TRIM41: variants seen among roughly 807,000 people sequenced by gnomAD.
TRIM41 encodes the protein tripartite motif containing 41.
In TRIM41, 21 loss-of-function variants were observed where a neutral mutation model predicts 60.6. That is an observed-to-expected ratio of 0.35 (90% CI 0.25 to 0.50). The LOEUF (loss-of-function observed/expected upper bound fraction) is 0.50. Ranked by LOEUF, TRIM41 falls within the 20% of genes least tolerant of loss-of-function variation. The pLI, the probability that TRIM41 is intolerant of heterozygous loss-of-function variation, is 0.98. For missense variants in TRIM41, 846 were observed against 868.3 expected (o/e 0.97, Z 0.32); for synonymous variants, 407 against 344.9 (o/e 1.18, Z -2.00).
chr5:181,225,830 A>C (rs7706515), intron 1 of TRIM41: 1 of 152,242 alleles, frequency 6.6e-6, no homozygotes, highest in Non-Finnish European at 1.5e-5. Flanking sequence ...AGCCAGCACA[A>C]ATAGCACTAC....
rs775230205 is a variant in TRIM41, at chr5:181,234,234, G to A, written c.1352G>A (p.Arg451Gln). The change falls in exon 6 of 6, where the codon CGG (arginine) becomes CAG (glutamine). Residue 451 changes from arginine to glutamine, a missense_variant. By Grantham distance (43) the Arg-to-Gln change is conservative (BLOSUM62 1). Transcript: ENST00000315073. This position sits in a 1 kb window ranked among gnomAD's most constrained non-coding sequence, Gnocchi z 5.6. ...GCCCTGATGCTGTCCCCTGACCGCC[G>A]GGGGGTCCGCCTGGCAGAGCGGCGG... ...HPALMLSPDRRGVRLAERRQE... is the reference protein window; with the variant it reads ...HPALMLSPDRQGVRLAERRQE... The A allele has an allele frequency of 2.4e-5, 38 of 1,612,972 alleles. No homozygotes were observed. The highest frequency in any genetic ancestry group is 3.1e-5 in the Non-Finnish European group (36 of 1,179,932).
rs964478511 is a variant in TRIM41, at chr5:181,230,801, A to G, written c.871A>G (p.Met291Val). 1.2e-6 allele frequency: 2 copies of G among 1,613,180 alleles called. No homozygotes were observed. The highest frequency in any genetic ancestry group is 1.7e-6 in the Non-Finnish European group (2 of 1,179,490). Residue 291 changes from methionine (M) to valine (V), a missense_variant, in exon 2 of 6, where the codon ATG becomes GTG. Transcript: ENST00000315073. Reference protein sequence around the residue: ...LRKHLEAVQKMKAKEERRVTE... With the variant: ...LRKHLEAVQKVKAKEERRVTE... ...GAAGCACCTGGAGGCAGTGCAGAAG[A>G]TGAAAGCCAAGGAGGAGAGGCGAGT...
intron 2 of TRIM41, 151 bp downstream of exon 2, chr5:181,230,990 A>C (rs1758773811): frequency 1.6e-6 from 1 of 621,924 alleles, no homozygotes; most frequent in Non-Finnish European, 2.9e-6. Context: ...GGTGCTGAGG[A>C]GAGCGGGGCC....
At position 181,232,781 on chromosome 5, in the gene TRIM41, G is replaced by T. The variant is rs769608137; in HGVS notation, c.1032G>T (p.Gly344=). 6.2e-7 allele frequency: 1 copy of T among 1,611,584 alleles called. No individual in the cohort carries two copies. The highest frequency in any genetic ancestry group is 8.5e-7 in the Non-Finnish European group (1 of 1,179,446). Residue 344 remains glycine (G), a synonymous_variant, in exon 3 of 6, where the codon GGG becomes GGT. Coordinates refer to ENST00000315073, the MANE Select transcript of TRIM41 (RefSeq NM_033549.5). The part of the protein sequence containing the change: ...RLREMHEAQL[G]RAGAAASRLA... ...GAGAGATGCATGAAGCCCAGCTGGG[G>T]CGTGCGGGAGCCGCGGCTAGTCGCC... is the stretch of plus-strand genomic sequence containing the variant.
chr5:181,224,181 GGGAGGA>G lies in TRIM41; in HGVS notation c.195_200del (p.Glu65_Glu66del), dbSNP rs539435490. ...GAGGAGGACAGAGATGAGTTAGATCGGGAGGAGGAGGAGGAGGACGGAGAGGAGGAG... is the reference window on the plus strand; with the variant it reads ...GAGGAGGACAGAGATGAGTTAGATCGGGAGGAGGAGGACGGAGAGGAGGAG... On this transcript the variant is annotated inframe_deletion, in exon 1 of 6. Coordinates refer to ENST00000315073, the MANE Select transcript of TRIM41 (RefSeq NM_033549.5). The G allele has an allele frequency of 3.5e-4, 570 of 1,613,840 alleles. No individual in the cohort carries two copies. The African/African-American group carries it at 5.6e-3, about 16-fold the overall frequency.
chr5:181,225,031 C>T (rs1758488307), intron 1 of TRIM41: 7 of 624,968 alleles, frequency 1.1e-5, no homozygotes, highest in Middle Eastern at 2.6e-4. Flanking sequence ...GGAAGGATGG[C>T]TTCCTCAAAG....
intron 2 of TRIM41, 55 bp downstream of exon 2, chr5:181,230,894 T>C: frequency 6.7e-7 from 1 of 1,497,360 alleles, no homozygotes; most frequent in Non-Finnish European, 9.3e-7. Context: ...GCAAGGAAGG[T>C]AGGGCTTCCC....
chr5:181,226,492 A>C (rs1758558999), intron 1 of TRIM41: 1 of 152,240 alleles, frequency 6.6e-6, no homozygotes, highest in Admixed American at 6.5e-5. Flanking sequence ...AGAGTTTCTG[A>C]ATCAGTGAGT....
rs765812251 is a variant in TRIM41 at position 181,232,707 on chromosome 5, C to T, written c.958C>T (p.Leu320=). ...AGCGGTGGCCTCGGAGTTTGGGCGA[C>T]TGACACGGTTTCTGGCTGAAGAGCA... is the stretch of plus-strand genomic sequence containing the variant. ...LAAVASEFGR[L]TRFLAEEQAG... Residue 320 remains leucine, a synonymous_variant, in exon 3 of 6, where the codon CTG becomes TTG. Coordinates refer to ENST00000315073, the MANE Select transcript of TRIM41 (RefSeq NM_033549.5). The T allele has an allele frequency of 3.7e-6, 6 of 1,614,128 alleles. No individual in the cohort carries two copies. Among genetic ancestry groups the T allele is most frequent in the Non-Finnish European group, 4.2e-6 (5 of 1,180,028 alleles).
chr5:181,227,855 C>T (rs1455940629), intron 1 of TRIM41: 1 of 151,980 alleles, frequency 6.6e-6, no homozygotes, highest in African/African-American at 2.4e-5. Context: ...ATGATCATAG[C>T]TCACTGCAGC....
chr5:181,225,112 G>T, intron 1 of TRIM41: 1 of 468,616 alleles, frequency 2.1e-6, no homozygotes, highest in Non-Finnish European at 3.9e-6. Context: ...TTTCTTTCGG[G>T]TGAGTCTTAA....
Position 181,230,790 on chromosome 5 carries a change from C to T in TRIM41, c.860C>T (p.Ala287Val). Residue 287 changes from alanine to valine, a missense_variant, in exon 2 of 6, where the codon GCA becomes GTA. Ala to Val is a moderately conservative substitution (Grantham distance 64, BLOSUM62 0). Coordinates refer to ENST00000315073, the MANE Select transcript of TRIM41 (RefSeq NM_033549.5). Reference protein sequence around the residue: ...HVEPLRKHLEAVQKMKAKEER... With the variant: ...HVEPLRKHLEVVQKMKAKEER... ...GAACCACTGAGGAAGCACCTGGAGGCAGTGCAGAAGATGAAAGCCAAGGAG... is the reference window on the plus strand; with the variant it reads ...GAACCACTGAGGAAGCACCTGGAGGTAGTGCAGAAGATGAAAGCCAAGGAG... 6.2e-7 allele frequency: 1 copy of T among 1,613,166 alleles called. No individual in the cohort carries two copies. Among genetic ancestry groups the T allele is most frequent in the Non-Finnish European group, 8.5e-7 (1 of 1,179,460 alleles).
rs556030438 is a variant in TRIM41 at position 181,234,255 on chromosome 5, G to A, written c.1373G>A (p.Arg458Gln). Reference sequence around the variant, plus strand: ...CGCCGGGGGGTCCGCCTGGCAGAGCGGCGGCAGGAGGTTGCTGACCATCCC... The same window carrying A: ...CGCCGGGGGGTCCGCCTGGCAGAGCAGCGGCAGGAGGTTGCTGACCATCCC... ...PDRRGVRLAE[R>Q]RQEVADHPKR... The change falls in exon 6 of 6, where the codon CGG becomes CAG. Residue 458 changes from arginine (R) to glutamine (Q), a missense_variant. By Grantham distance (43) the Arg-to-Gln change is conservative. Coordinates refer to ENST00000315073, the MANE Select transcript of TRIM41 (RefSeq NM_033549.5). The surrounding 1 kb of genome is among the most constrained non-coding windows in gnomAD (Gnocchi z 5.6). 1.5e-5 allele frequency: 24 copies of A among 1,613,138 alleles called. No individual in the cohort carries two copies. In the East Asian group the frequency reaches 3.1e-4, roughly 21 times the overall value.
Position 181,233,512 on chromosome 5 carries a change from C to T in TRIM41, c.1163+77C>T. 1.9e-6 allele frequency: 3 copies of T among 1,612,572 alleles called. No individual in the cohort carries two copies. Among genetic ancestry groups the T allele is most frequent in the South Asian group, 1.1e-5 (1 of 91,016 alleles). The stretch of plus-strand genomic sequence containing the variant: ...CCCTGCTTCTCTTCGGTATCCCTCT[C>T]CTCTCCTTCCTTCCCCAGGACCTGA... On this transcript the variant is annotated intron_variant, in intron 4 of 5. Coordinates refer to ENST00000315073, the MANE Select transcript of TRIM41 (RefSeq NM_033549.5). This position sits in a 1 kb window ranked among gnomAD's most constrained non-coding sequence, Gnocchi z 4.1.
intron 1 of TRIM41, 29 bp downstream of exon 1, chr5:181,224,841 G>C (rs1758475113): frequency 6.2e-7 from 1 of 1,613,582 alleles, no homozygotes; most frequent in South Asian, 1.1e-5. Context: ...GAAGATGGGA[G>C]TTTAGTGGGG....
Position 181,235,551 on chromosome 5 carries a change from C to T in TRIM41, c.*776C>T. The T allele has an allele frequency of 1.0e-6, 1 of 984,076 alleles. No homozygotes were observed. Among genetic ancestry groups the T allele is most frequent in the Non-Finnish European group, 1.5e-6 (1 of 659,682 alleles). 61.0% of individuals were successfully genotyped at this position (984,076 alleles called of 1,614,324 possible). On this transcript the variant is annotated 3_prime_UTR_variant, in exon 6 of 6. Coordinates refer to ENST00000315073, the MANE Select transcript of TRIM41 (RefSeq NM_033549.5). ...CAGGTCTGCTCACTGCCAGGCTCCT[C>T]TCCCCTTTGTTCAGTGGAGCTGGCT...
chr5:181,233,676 C>G lies in TRIM41; in HGVS notation c.1204C>G (p.Pro402Ala). 6.2e-7 allele frequency: 1 copy of G among 1,614,222 alleles called. No homozygotes were observed. The highest frequency in any genetic ancestry group is 2.2e-5 in the East Asian group (1 of 44,880). Reference sequence around the variant, plus strand: ...GCTGCAGCCCCCAGAGGTCTGGTCCCCTGACCCGTGCCAACCCCATAGCCA... The same window carrying G: ...GCTGCAGCCCCCAGAGGTCTGGTCCGCTGACCCGTGCCAACCCCATAGCCA... ...VQLQPPEVWS[P>A]DPCQPHSHDF... Residue 402 changes from proline to alanine, a missense_variant, in exon 5 of 6, where the codon CCT becomes GCT. Coordinates refer to ENST00000315073, the MANE Select transcript of TRIM41 (RefSeq NM_033549.5). This position sits in a 1 kb window ranked among gnomAD's most constrained non-coding sequence, Gnocchi z 4.1.
chr5:181,230,655 C>T (rs1758757266), intron 1 of TRIM41, 89 bp from the exon 2 acceptor site: 1 of 1,022,204 alleles, frequency 9.8e-7, no homozygotes, highest in East Asian at 2.6e-5. Context: ...CAGGCTTTGA[C>T]CCATCTTGCT....
Position 181,224,284 on chromosome 5 carries a change from G to A in TRIM41, c.285G>A (p.Met95Ile). 6.2e-7 allele frequency: 1 copy of A among 1,614,158 alleles called. No individual in the cohort carries two copies. The highest frequency in any genetic ancestry group is 8.5e-7 in the Non-Finnish European group (1 of 1,180,032). The change falls in exon 1 of 6, where the codon ATG becomes ATA. Residue 95 changes from methionine to isoleucine, a missense_variant. By Grantham distance (10) the Met-to-Ile change is conservative. Coordinates refer to ENST00000315073, the MANE Select transcript of TRIM41 (RefSeq NM_033549.5). ...GGGATGAAGACTACGAGGGTGACAT[G>A]GAGGAGGAGGTCGAGGAGGAAGAAG... ...PMRDEDYEGD[M>I]EEEVEEEEEG...
Sources: gnomAD v4.1 joint callset for allele counts on GRCh38, gnomAD v4.1.1 for gene constraint, Gnocchi (gnomAD v3.1) non-coding constraint, MANE v1.5 for transcripts, NCBI Gene and HGNC (gene_info 2026-07-23, HGNC 2026-07-21) for gene names.